Variants in YLPM1 observed in about 807,000 individuals in gnomAD.
The protein encoded by YLPM1 is YLP motif-containing protein 1.
A neutral mutation model predicts 230.0 loss-of-function variants in YLPM1; 99 were observed. The ratio of observed to expected loss-of-function variants is 0.43; its 90% confidence interval spans 0.37 to 0.51. YLPM1 has a LOEUF of 0.51. YLPM1 is among the 20% of genes least tolerant of loss of function. The pLI, the probability that YLPM1 is intolerant of heterozygous loss-of-function variation, is 0.00. For synonymous variants in YLPM1, 984 were observed against 942.5 expected (o/e 1.04, Z -0.81); for missense variants, 2,592 against 2,707.7 (o/e 0.96, Z 0.95).
At position 74,810,300 on chromosome 14, in the gene YLPM1, T is replaced by C. The variant is rs1004082966; in HGVS notation, c.5108T>C (p.Ile1703Thr). 41 of 1,613,854 alleles carry C rather than the reference T, an allele frequency of 2.5e-5. No homozygotes were observed. In the Admixed American group the frequency reaches 6.7e-4, roughly 26 times the overall value. The change falls in exon 9 of 21, where the codon ATA (isoleucine) becomes ACA (threonine). Residue 1703 changes from isoleucine (I) to threonine (T), a missense_variant. Physicochemically the swap from Ile to Thr is moderately conservative, Grantham distance 89. This residue lies in a region of YLPM1 where 403 missense variants were observed against 426.7 expected (regional missense o/e 0.94). Transcript: ENST00000325680. ...EPYFDRQSNV[I>T]ADHRDFKRDR... Reference sequence around the variant, plus strand: ...TATTTTGATCGTCAAAGTAATGTCATAGCAGATCATCGAGATTTTAAAAGG... The same window carrying C: ...TATTTTGATCGTCAAAGTAATGTCACAGCAGATCATCGAGATTTTAAAAGG...
chr14:74,798,205 G>A lies in YLPM1; in HGVS notation c.2908G>A (p.Ala970Thr). The part of the protein sequence containing the change: ...SKTGGMEGGT[A>T]VATSSLTADN... ...AACAGGGGGGATGGAGGGAGGAACA[G>A]CAGTAGCAACATCATCATTAACAGC... The change falls in exon 5 of 21, where the codon GCA becomes ACA. Residue 970 changes from alanine to threonine, a missense_variant. Coordinates refer to ENST00000325680, the MANE Select transcript of YLPM1 (RefSeq NM_019589.3). The A allele has an allele frequency of 1.1e-5, 18 of 1,614,000 alleles. No individual in the cohort carries two copies. Among genetic ancestry groups the A allele is most frequent in the Non-Finnish European group, 1.5e-5 (18 of 1,179,894 alleles).
intron 18 of YLPM1, among the ~76,000 whole-genome samples, chr14:74,826,381 A>G (rs891995851): frequency 2.0e-5 from 3 of 152,192 alleles, no homozygotes; most frequent in Non-Finnish European, 4.4e-5. Flanking sequence ...ATATAATTTG[A>G]TTACCAAGTA....
Position 74,778,559 on chromosome 14 carries a change from C to A in YLPM1, c.986C>A (p.Pro329Gln), listed in dbSNP as rs77448538. ...GTGGTAGCAAAGGATACACCAGAGCCGGTAAAAGAAGAAGTTACAGTACCT... is the reference window on the plus strand; with the variant it reads ...GTGGTAGCAAAGGATACACCAGAGCAGGTAAAAGAAGAAGTTACAGTACCT... ...GPVVAKDTPE[P>Q]VKEEVTVPAT... Residue 329 changes from proline to glutamine, a missense_variant, in exon 2 of 21, where the codon CCG becomes CAG. Coordinates refer to ENST00000325680, the MANE Select transcript of YLPM1 (RefSeq NM_019589.3). 1,925 of 1,606,078 alleles carry A rather than the reference C, an allele frequency of 1.2e-3. 17 individuals carry two copies. The African/African-American group carries it at 0.016, about 14-fold the overall frequency.
At chr14:74,783,735 C>T (rs1442856376) in intron 4 of YLPM1, among the ~76,000 whole-genome samples, 2 of 152,144 alleles carry the variant, frequency 1.3e-5, no homozygotes, top group South Asian at 2.1e-4. Flanking sequence ...CACAAAACTC[C>T]ATCCACAATC....
chr14:74,809,936 A>T lies in YLPM1; in HGVS notation c.4966A>T (p.Ile1656Leu). The change falls in exon 8 of 21, where the codon ATA (isoleucine) becomes TTA (leucine). Residue 1656 changes from isoleucine (I) to leucine (L), a missense_variant. This residue lies in a region of YLPM1 where 403 missense variants were observed against 426.7 expected (regional missense o/e 0.94). Coordinates refer to ENST00000325680, the MANE Select transcript of YLPM1 (RefSeq NM_019589.3). ...RDISTNKVEQ[I>L]PYGERITLRP... ...TATATCCACTAATAAAGTTGAACAG[A>T]TACCTTATGGAGAAAGAATAACTCT... 1 of 1,609,678 alleles carries T rather than the reference A, an allele frequency of 6.2e-7. No homozygotes were observed. Among genetic ancestry groups the T allele is most frequent in the East Asian group, 2.2e-5 (1 of 44,826 alleles).
At chr14:74,786,601 C>T (rs1050184366) in intron 4 of YLPM1, among the ~76,000 whole-genome samples, 1 of 152,174 alleles carries the variant, frequency 6.6e-6, no homozygotes, top group Non-Finnish European at 1.5e-5. Context: ...TTGTGAGAGT[C>T]ATCCATGTTG....
intron 4 of YLPM1, 62 bp from the exon 5 acceptor site, chr14:74,797,518 A>C (rs2091276417): frequency 7.4e-7 from 1 of 1,351,268 alleles, no homozygotes; most frequent in Admixed American, 3.0e-5. Flanking sequence ...AAATATTCTT[A>C]CATGGAGAAT....
chr14:74,805,187 A>AT (rs991977744), intron 6 of YLPM1, among the ~76,000 whole-genome samples: 4 of 150,990 alleles, frequency 2.6e-5, no homozygotes, highest in African/African-American at 9.7e-5. Context: ...ACCTGGCTAA[A>AT]TTTTTTGTAT....
chr14:74,792,268 CTA>C (rs561587476), intron 4 of YLPM1, among the ~76,000 whole-genome samples: 7 of 152,192 alleles, frequency 4.6e-5, no homozygotes, highest in Non-Finnish European at 1.0e-4. Context: ...ACCATCTACT[CTA>C]GTGCTGCTTT....
Position 74,769,964 on chromosome 14 carries a change from C to T in YLPM1, c.873+5602C>T, listed in dbSNP as rs1342650221. On this transcript the variant is annotated intron_variant, in intron 1 of 20. Transcript: ENST00000325680. ...TTGGGAGGCCTAGGCGGGCAGATCA[C>T]GAGGTCAGAAGATCAAGACCATCCT... 3.3e-5 allele frequency among the ~76,000 whole-genome samples: 5 copies of T among 149,930 alleles called. No homozygotes were observed. In the East Asian group the frequency reaches 6.2e-4, roughly 19 times the overall value.
intron 1 of YLPM1, among the ~76,000 whole-genome samples, chr14:74,777,629 T>TA (rs908581406): frequency 2.0e-5 from 3 of 151,918 alleles, no homozygotes; most frequent in African/African-American, 7.3e-5. Context: ...CATATTCTCT[T>TA]ATATGTGTGT....
At chr14:74,819,198 G>A (rs184379561) in intron 16 of YLPM1, among the ~76,000 whole-genome samples, 1,849 of 151,578 alleles carry the variant, frequency 0.012, 30 homozygotes, top group Non-Finnish European at 0.014. Flanking sequence ...TTGATGGAAG[G>A]AAAAATTTTC....
Position 74,835,465 on chromosome 14 carries a change from T to A in YLPM1, c.*36+18T>A, listed in dbSNP as rs1303020615. ...CCTCTAAGGTAAGAGTACACAGTCA[T>A]ATAAATAGCCTACTGTGTGGTTGCT... On this transcript the variant is annotated intron_variant, in intron 20 of 20. Coordinates refer to ENST00000325680, the MANE Select transcript of YLPM1 (RefSeq NM_019589.3). The A allele has an allele frequency of 2.5e-6, 4 of 1,588,042 alleles. No homozygotes were observed. The highest frequency in any genetic ancestry group is 3.4e-6 in the Non-Finnish European group (4 of 1,166,710).
At chr14:74,816,380 C>T in intron 12 of YLPM1, 115 bp downstream of exon 12, 1 of 1,311,910 alleles carries the variant, frequency 7.6e-7, no homozygotes, top group Non-Finnish European at 1.1e-6. Context: ...CCATTTGATC[C>T]ATTACAGTTG....
chr14:74,809,678 T>G lies in YLPM1; in HGVS notation c.4820T>G (p.Val1607Gly), dbSNP rs1191688382. Residue 1607 changes from valine (V) to glycine (G), a missense_variant, in exon 7 of 21, where the codon GTA (valine) becomes GGA (glycine). Val to Gly is a moderately radical substitution (Grantham distance 109). Around this residue, in one of 4 missense-constraint regions of YLPM1, gnomAD observed 403 missense variants for 426.7 expected, o/e 0.94. Coordinates refer to ENST00000325680, the MANE Select transcript of YLPM1 (RefSeq NM_019589.3). ...SETAAIPSAP[V>G]LPPPPVHSSI... ...ACTGCAGCAATTCCATCTGCTCCAG[T>G]ATTACCACCCCCACCTGTTCACTCT... The G allele has an allele frequency of 1.9e-6, 3 of 1,614,016 alleles. No homozygotes were observed. Among genetic ancestry groups the G allele is most frequent in the Non-Finnish European group, 1.7e-6 (2 of 1,179,882 alleles).
At chr14:74,802,385 T>A (rs963695669) in intron 5 of YLPM1, among the ~76,000 whole-genome samples, 171 bp from the exon 6 acceptor site, 4 of 152,184 alleles carry the variant, frequency 2.6e-5, no homozygotes, top group Non-Finnish European at 5.9e-5. Context: ...ATGAGTTAGC[T>A]ACATAAAAGC....
At chr14:74,808,665 G>A (rs1349999034) in intron 6 of YLPM1, among the ~76,000 whole-genome samples, 1 of 152,058 alleles carries the variant, frequency 6.6e-6, no homozygotes, top group Non-Finnish European at 1.5e-5. Flanking sequence ...TCAGCTGGGC[G>A]TGGTGGCGGG....
chr14:74,798,707 G>A lies in YLPM1; in HGVS notation c.3410G>A (p.Arg1137Gln), dbSNP rs374106071. Reference protein sequence around the residue: ...RAGSRERIPPRRAGSRERGPP... With the variant: ...RAGSRERIPPQRAGSRERGPP... ...GGGAGTAGAGAGAGAATACCACCCC[G>A]AAGAGCTGGGAGCAGGGAGAGAGGA... The change falls in exon 5 of 21, where the codon CGA becomes CAA. Residue 1137 changes from arginine to glutamine, a missense_variant. Around this residue, in one of 4 missense-constraint regions of YLPM1, gnomAD observed 1,862 missense variants for 1,819.8 expected, o/e 1.02. Coordinates refer to ENST00000325680, the MANE Select transcript of YLPM1 (RefSeq NM_019589.3). 18 of 1,611,968 alleles carry A rather than the reference G, an allele frequency of 1.1e-5. No homozygotes were observed. Among genetic ancestry groups the A allele is most frequent in the South Asian group, 3.3e-5 (3 of 90,910 alleles).
rs1224747232 is a variant in YLPM1, at chr14:74,798,214, A to G, written c.2917A>G (p.Thr973Ala). ...GATGGAGGGAGGAACAGCAGTAGCA[A>G]CATCATCATTAACAGCAGATAATGA... ...GGMEGGTAVA[T>A]SSLTADNDFK... Residue 973 changes from threonine to alanine, a missense_variant, in exon 5 of 21, where the codon ACA (threonine) becomes GCA (alanine). Physicochemically the swap from Thr to Ala is moderately conservative, Grantham distance 58. This residue lies in a region of YLPM1 where 1,862 missense variants were observed against 1,819.8 expected (regional missense o/e 1.02). Transcript: ENST00000325680. 6.2e-7 allele frequency: 1 copy of G among 1,614,008 alleles called. No individual in the cohort carries two copies. Among genetic ancestry groups the G allele is most frequent in the Admixed American group, 1.7e-5 (1 of 60,024 alleles).
Sources: gnomAD v4.1 joint callset for allele counts (sites outside exome capture counted in the v4.1 genomes callset) on GRCh38, gnomAD v4.1.1 for gene constraint, gnomAD v4.1.1 regional missense constraint, MANE v1.5 for transcripts, NCBI Gene and HGNC (gene_info 2026-07-23, HGNC 2026-07-21) for gene names.